Variants in RARB observed in about 807,000 individuals in gnomAD.
The protein encoded by RARB is retinoic acid receptor beta.
RARB carries 17 observed loss-of-function variants against 51.9 expected under a neutral mutation model. The observed-to-expected ratio is 0.33, with a 90% CI of 0.22 to 0.49. The LOEUF (loss-of-function observed/expected upper bound fraction) is 0.49. Among genes scored for constraint, RARB ranks in the 20% least tolerant of loss-of-function variants. The probability of loss-of-function intolerance (pLI) is 0.99; values close to 1 mark genes in which losing one functional copy is unlikely to be tolerated. For missense variants in RARB, 369 were observed against 550.8 expected (o/e 0.67, Z 3.30); for synonymous variants, 215 against 195.4 (o/e 1.10, Z -0.84).
chr3:25,262,106 G>A (rs191827477), intron 5 of RARB, among the ~76,000 whole-genome samples: 1 of 152,206 alleles, frequency 6.6e-6, no homozygotes, highest in East Asian at 1.9e-4. Context: ...AGCTCTCTAT[G>A]ACTAAACCTC....
intron 2 of RARB, among the ~76,000 whole-genome samples, chr3:25,480,439 TC>T (rs1696169052): frequency 6.6e-6 from 1 of 152,196 alleles, no homozygotes; most frequent in Admixed American, 6.5e-5. Context: ...TCTTTCCCTT[TC>T]CCTTTAGGAA....
At chr3:25,103,314 C>T (rs1472936099) in intron 3 of RARB, among the ~76,000 whole-genome samples, 2 of 152,160 alleles carry the variant, frequency 1.3e-5, no homozygotes, top group African/African-American at 4.8e-5. Flanking sequence ...AGGTGATATG[C>T]ACCGTTGTAA....
intron 3 of RARB, among the ~76,000 whole-genome samples, chr3:25,512,209 G>A (rs1194993615): frequency 6.6e-6 from 1 of 152,158 alleles, no homozygotes; most frequent in Non-Finnish European, 1.5e-5. Context: ...GAGCCATCCT[G>A]GTCTCTAAAG....
chr3:25,228,766 C>T (rs1368525121), intron 5 of RARB, among the ~76,000 whole-genome samples: 1 of 152,058 alleles, frequency 6.6e-6, no homozygotes, highest in East Asian at 1.9e-4. Flanking sequence ...TAAAAGCACA[C>T]ATGCAGGAAG....
chr3:25,448,645 T>C (rs1288598182), intron 1 of RARB, among the ~76,000 whole-genome samples: 1 of 152,084 alleles, frequency 6.6e-6, no homozygotes, highest in Non-Finnish European at 1.5e-5. Context: ...TTTTGTATTG[T>C]TAGTAGAGAT....
At chr3:25,217,645 C>A (rs1482732211) in intron 5 of RARB, among the ~76,000 whole-genome samples, 1 of 152,116 alleles carries the variant, frequency 6.6e-6, no homozygotes, top group Non-Finnish European at 1.5e-5. Context: ...TTTTGTCTCC[C>A]CCTGAACCTT....
At chr3:25,210,529 C>CTTTTTTTTTTTTTTTTTTTTTTTT (rs773846113) in intron 5 of RARB, among the ~76,000 whole-genome samples, 11 of 27,634 alleles carry the variant, frequency 4.0e-4, no homozygotes, top group South Asian at 1.7e-3. Flanking sequence ...TTATCTGATT[C>CTTTTTTTTTTTTTTTTTTTTTTTT]TTTTTTTTTT....
chr3:25,194,445 G>A (rs2125365822), intron 5 of RARB, among the ~76,000 whole-genome samples: 1 of 150,844 alleles, frequency 6.6e-6, no homozygotes, highest in South Asian at 2.1e-4. Context: ...TTGCTTGACA[G>A]TAGTAATCAA....
At chr3:25,062,359 C>T (rs75284903) in intron 3 of RARB, among the ~76,000 whole-genome samples, 3 of 151,870 alleles carry the variant, frequency 2.0e-5, no homozygotes, top group East Asian at 3.9e-4. Flanking sequence ...AATCTCTACT[C>T]TTATTCCTTG....
intron 3 of RARB, among the ~76,000 whole-genome samples, chr3:25,541,440 T>G (rs1216552416): frequency 6.6e-6 from 1 of 152,238 alleles, no homozygotes; most frequent in African/African-American, 2.4e-5. Context: ...TGTGTTCCTA[T>G]CTACCTCTCC....
intron 3 of RARB, among the ~76,000 whole-genome samples, chr3:25,504,724 C>G (rs1697487920): frequency 6.6e-6 from 1 of 150,894 alleles, no homozygotes; most frequent in Non-Finnish European, 1.5e-5. Context: ...ATAGTAATAG[C>G]TAACTGGACA....
At chr3:25,320,200 G>A (rs1198310594) in intron 5 of RARB, among the ~76,000 whole-genome samples, 1 of 152,072 alleles carries the variant, frequency 6.6e-6, no homozygotes, top group Non-Finnish European at 1.5e-5. Flanking sequence ...CAAATTCTAT[G>A]CAGTCATTGA....
chr3:25,552,205 T>C (rs1297693960), intron 3 of RARB, among the ~76,000 whole-genome samples: 1 of 152,112 alleles, frequency 6.6e-6, no homozygotes, highest in Non-Finnish European at 1.5e-5. Context: ...CCAACCATTG[T>C]GCAATTTCCT....
intron 3 of RARB, among the ~76,000 whole-genome samples, chr3:25,508,289 G>A (rs755599278): frequency 1.3e-5 from 2 of 152,108 alleles, no homozygotes; most frequent in Non-Finnish European, 2.9e-5. Context: ...AGACATGAAC[G>A]TCCCCATGGG....
chr3:25,321,643 G>T (rs1336862440), intron 5 of RARB, among the ~76,000 whole-genome samples: 1 of 151,816 alleles, frequency 6.6e-6, no homozygotes, highest in Non-Finnish European at 1.5e-5. Context: ...CTTGAATCTG[G>T]GAGGCAAAGG....
At chr3:24,907,891 G>A (rs188972926) in intron 2 of RARB, among the ~76,000 whole-genome samples, 1 of 151,962 alleles carries the variant, frequency 6.6e-6, no homozygotes, top group Non-Finnish European at 1.5e-5. Context: ...TATTTGACAA[G>A]GAAATACTCG....
At chr3:25,375,734 G>A (rs1469907409) in intron 5 of RARB, among the ~76,000 whole-genome samples, 1 of 152,138 alleles carries the variant, frequency 6.6e-6, no homozygotes, top group South Asian at 2.1e-4. Context: ...TTCTCTGATT[G>A]TGTATAAACA....
chr3:25,134,234 A>G (rs1699996536), intron 4 of RARB, among the ~76,000 whole-genome samples: 1 of 151,920 alleles, frequency 6.6e-6, no homozygotes, highest in African/African-American at 2.4e-5. Context: ...GATATATTAA[A>G]TAATATTTAG....
At chr3:25,530,355 A>G (rs995757492) in intron 3 of RARB, among the ~76,000 whole-genome samples, 19 of 152,238 alleles carry the variant, frequency 1.2e-4, no homozygotes, top group African/African-American at 4.6e-4. Flanking sequence ...TGTGGTAACA[A>G]ATTACCGCAC....
Sources: gnomAD v4.1 joint callset for allele counts (sites outside exome capture counted in the v4.1 genomes callset) on GRCh38, gnomAD v4.1.1 for gene constraint, MANE v1.5 for transcripts, NCBI Gene and HGNC (gene_info 2026-07-23, HGNC 2026-07-21) for gene names.